Variants in ABHD17B observed in about 807,000 individuals in gnomAD.
ABHD17B encodes the protein abhydrolase domain containing 17B, depalmitoylase.
In ABHD17B, 9 loss-of-function variants were observed where a neutral mutation model predicts 26.2. The observed-to-expected ratio is 0.34, with a 90% CI of 0.21 to 0.60. ABHD17B has a LOEUF of 0.60. Ranked by LOEUF, ABHD17B falls within the 20% of genes least tolerant of loss-of-function variation. ABHD17B has a pLI of 0.80. For synonymous variants in ABHD17B, 127 were observed against 122.3 expected, an observed-to-expected ratio of 1.04 and a Z score of -0.25; for missense variants, 224 against 352.1, an observed-to-expected ratio of 0.64 and a Z score of 2.91.
chr9:71,882,448 C>A (rs1267729132), intron 1 of ABHD17B, among the ~76,000 whole-genome samples: 1 of 152,132 alleles, frequency 6.6e-6, no homozygotes. Flanking sequence ...CCCCTGAGTT[C>A]AGGAGTTCAA....
intron 1 of ABHD17B, among the ~76,000 whole-genome samples, chr9:71,892,298 C>A (rs1187708350): frequency 6.6e-6 from 1 of 151,902 alleles, no homozygotes; most frequent in Non-Finnish European, 1.5e-5. Flanking sequence ...TTTGGGAGGT[C>A]GAGGTGGGCG....
chr9:71,897,981 T>C (rs574108524), intron 1 of ABHD17B, among the ~76,000 whole-genome samples: 1 of 152,368 alleles, frequency 6.6e-6, no homozygotes, highest in African/African-American at 2.4e-5. Flanking sequence ...GGAAATTTTG[T>C]CTTTTCATAC....
intron 1 of ABHD17B, among the ~76,000 whole-genome samples, chr9:71,877,458 C>T (rs1172650955): frequency 6.6e-6 from 1 of 152,254 alleles, no homozygotes; most frequent in Non-Finnish European, 1.5e-5. Context: ...CACTCTATCG[C>T]CCAGGCTGGA....
At chr9:71,889,441 T>A (rs1826713960) in intron 1 of ABHD17B, among the ~76,000 whole-genome samples, 1 of 152,178 alleles carries the variant, frequency 6.6e-6, no homozygotes, top group Admixed American at 6.5e-5. Flanking sequence ...TGTCTCCAAC[T>A]CATAAGAGTA....
At chr9:71,900,889 C>T (rs926761371) in intron 1 of ABHD17B, among the ~76,000 whole-genome samples, 4 of 152,042 alleles carry the variant, frequency 2.6e-5, no homozygotes, top group Non-Finnish European at 4.4e-5. Flanking sequence ...GTGGCTCACG[C>T]CTGTAATCCC....
chr9:71,901,274 T>C (rs1827133433), intron 1 of ABHD17B, among the ~76,000 whole-genome samples: 1 of 151,894 alleles, frequency 6.6e-6, no homozygotes, highest in Non-Finnish European at 1.5e-5. Flanking sequence ...ATCAAACCTC[T>C]TTACTTCTCA....
In ABHD17B at chr9:71,866,321, C is replaced by CA; in HGVS notation, c.*465dup. 1 of 989,552 alleles carries CA rather than the reference C, an allele frequency of 1.0e-6. No homozygotes were observed. Among genetic ancestry groups the CA allele is most frequent in the Non-Finnish European group, 1.2e-6 (1 of 831,584 alleles). 61.3% of individuals were successfully genotyped at this position (989,552 alleles called of 1,614,324 possible). A position where few individuals can be genotyped will look rare whatever the true frequency, so the allele number is the denominator to read the frequency against. On this transcript the variant is annotated 3_prime_UTR_variant, in exon 4 of 4. Coordinates refer to ENST00000333421, the MANE Select transcript of ABHD17B (RefSeq NM_001025780.3). ...GTTTAGGTTAATTCTAGTGAACTTGCATGGTTTTAAATCTCTTTTACAGTT... is the reference window on the plus strand; with the variant it reads ...GTTTAGGTTAATTCTAGTGAACTTGCAATGGTTTTAAATCTCTTTTACAGTT...
At chr9:71,893,111 T>C (rs1340887687) in intron 1 of ABHD17B, among the ~76,000 whole-genome samples, 1 of 152,228 alleles carries the variant, frequency 6.6e-6, no homozygotes, top group Non-Finnish European at 1.5e-5. Flanking sequence ...AAATATTCCA[T>C]TGTACCTAAA....
intron 1 of ABHD17B, among the ~76,000 whole-genome samples, chr9:71,877,184 A>G (rs1281703177): frequency 6.6e-6 from 1 of 152,204 alleles, no homozygotes; most frequent in Non-Finnish European, 1.5e-5. Flanking sequence ...AGAAGATGAA[A>G]GGGAAGGAAC....
At chr9:71,867,509 T>C (rs568674689) in intron 3 of ABHD17B, among the ~76,000 whole-genome samples, 1 of 152,352 alleles carries the variant, frequency 6.6e-6, no homozygotes, top group Non-Finnish European at 1.5e-5. Flanking sequence ...GGAAAGAAGA[T>C]TAATGTGTGA....
intron 1 of ABHD17B, among the ~76,000 whole-genome samples, chr9:71,884,416 A>G (rs1306313269): frequency 6.6e-6 from 1 of 152,204 alleles, no homozygotes; most frequent in Non-Finnish European, 1.5e-5. Context: ...TTGGATGCAG[A>G]TAATAGAAAA....
intron 1 of ABHD17B, among the ~76,000 whole-genome samples, chr9:71,895,196 A>G (rs1401819627): frequency 6.6e-6 from 1 of 152,182 alleles, no homozygotes; most frequent in Non-Finnish European, 1.5e-5. Context: ...TAACAATCCT[A>G]TGAGATAGAT....
intron 1 of ABHD17B, among the ~76,000 whole-genome samples, chr9:71,904,893 T>C (rs1421836019): frequency 1.3e-5 from 2 of 152,172 alleles, no homozygotes; most frequent in Admixed American, 6.5e-5. Flanking sequence ...GGGCAGTCAT[T>C]TTTAAGTAAA....
At chr9:71,897,593 T>C (rs1826996254) in intron 1 of ABHD17B, among the ~76,000 whole-genome samples, 1 of 152,250 alleles carries the variant, frequency 6.6e-6, no homozygotes, top group South Asian at 2.1e-4. Flanking sequence ...TATTCCTCGT[T>C]TAACTATCAA....
chr9:71,903,467 A>AT lies in ABHD17B; in HGVS notation c.-4+7166dup, dbSNP rs1827200919. Reference sequence around the variant, plus strand: ...AATCAGATTTGATCCAAATTCTCTGATTTTCTGTCTCTATGCAATTAGCAA... The same window carrying AT: ...AATCAGATTTGATCCAAATTCTCTGATTTTTCTGTCTCTATGCAATTAGCAA... On this transcript the variant is annotated intron_variant, in intron 1 of 3. Coordinates refer to ENST00000333421, the MANE Select transcript of ABHD17B (RefSeq NM_001025780.3). Among the ~76,000 whole-genome samples, 5 of 152,304 alleles carry AT rather than the reference A, an allele frequency of 3.3e-5. No homozygotes were observed. In the South Asian group the frequency reaches 1.0e-3, roughly 32 times the overall value.
chr9:71,873,148 G>C (rs1377996661), intron 2 of ABHD17B, among the ~76,000 whole-genome samples: 1 of 151,676 alleles, frequency 6.6e-6, no homozygotes, highest in Non-Finnish European at 1.5e-5. Flanking sequence ...AAACATCCTG[G>C]AAGTCAGATA....
In ABHD17B at chr9:71,905,181, G is replaced by A. The variant is rs942691517; in HGVS notation, c.-4+5453C>T. Among the ~76,000 whole-genome samples the A allele has an allele frequency of 1.3e-4, 19 of 150,848 alleles. 1 individual carries two copies. Among genetic ancestry groups the A allele is most frequent in the Non-Finnish European group, 4.4e-5 (3 of 67,796 alleles). ...TGTGTCCCCCAGGCTGGAGTGTGGT[G>A]GCGCGATCTCGGCTCACTGCAACCT... On this transcript the variant is annotated intron_variant, in intron 1 of 3. Coordinates refer to ENST00000333421, the MANE Select transcript of ABHD17B (RefSeq NM_001025780.3).
chr9:71,880,019 A>G (rs892630324), intron 1 of ABHD17B, among the ~76,000 whole-genome samples: 4 of 152,206 alleles, frequency 2.6e-5, no homozygotes, highest in African/African-American at 9.6e-5. Flanking sequence ...GTACTAAAGG[A>G]AAAAGGACTT....
chr9:71,893,801 C>G (rs909811783), intron 1 of ABHD17B, among the ~76,000 whole-genome samples: 1 of 152,126 alleles, frequency 6.6e-6, no homozygotes, highest in African/African-American at 2.4e-5. Context: ...TACAAAGATA[C>G]TTCACTGGCC....
Sources: gnomAD v4.1 joint callset for allele counts (sites outside exome capture counted in the v4.1 genomes callset) on GRCh38, gnomAD v4.1.1 for gene constraint, MANE v1.5 for transcripts, NCBI Gene and HGNC (gene_info 2026-07-23, HGNC 2026-07-21) for gene names.